Variants in GRK7 observed in about 807,000 individuals in gnomAD.
The protein encoded by GRK7 is G protein-coupled receptor kinase 7.
A neutral mutation model predicts 34.1 loss-of-function variants in GRK7; 24 were observed. The observed-to-expected ratio is 0.70, with a 90% CI of 0.51 to 0.99. GRK7 has a LOEUF of 0.99. Among genes scored for constraint, GRK7 ranks in the 50% least tolerant of loss-of-function variants. The pLI, the probability that GRK7 is intolerant of heterozygous loss-of-function variation, is 0.00. For synonymous variants in GRK7, 256 were observed against 279.4 expected, an observed-to-expected ratio of 0.92 and a Z score of 0.84; for missense variants, 644 against 707.3, an observed-to-expected ratio of 0.91 and a Z score of 1.02.
intron 5 of GRK7, among the ~76,000 whole-genome samples, chr3:141,813,415 T>C (rs150385132): frequency 0.032 from 4,935 of 152,248 alleles, 267 homozygotes; most frequent in African/African-American, 0.11. Context: ...GTGTGAGCCA[T>C]GGTGCCCGGC....
intron 1 of GRK7, among the ~76,000 whole-genome samples, chr3:141,770,925 A>G (rs914885474): frequency 1.1e-4 from 17 of 150,998 alleles, no homozygotes; most frequent in African/African-American, 4.2e-4. Context: ...AAAGGGGTCA[A>G]GGCTGGCTGC....
chr3:141,797,829 A>C (rs1041011856), intron 4 of GRK7, among the ~76,000 whole-genome samples: 2 of 152,132 alleles, frequency 1.3e-5, no homozygotes, highest in Non-Finnish European at 2.9e-5. Context: ...GAGGTTGCCA[A>C]GTTTTCAGAT....
At chr3:141,772,069 T>A (rs2084619541) in intron 1 of GRK7, among the ~76,000 whole-genome samples, 1 of 152,050 alleles carries the variant, frequency 6.6e-6, no homozygotes, top group South Asian at 2.1e-4. Flanking sequence ...CTGGGTTCTT[T>A]GGGTATTTTG....
chr3:141,769,126 T>C (rs1342921770), intron 1 of GRK7, among the ~76,000 whole-genome samples: 3 of 152,060 alleles, frequency 2.0e-5, no homozygotes, highest in African/African-American at 7.2e-5. Flanking sequence ...ACTGCCCACC[T>C]AACATCACCA....
At chr3:141,807,977 G>A in intron 5 of GRK7, 58 bp downstream of exon 5, 1 of 1,443,074 alleles carries the variant, frequency 6.9e-7, no homozygotes, top group South Asian at 1.5e-5. Flanking sequence ...CAGGGATTAG[G>A]AGAATACTTT....
chr3:141,785,930 C>A (rs1251836888), intron 4 of GRK7, among the ~76,000 whole-genome samples: 1 of 111,330 alleles, frequency 9.0e-6, no homozygotes, highest in African/African-American at 4.1e-5. Context: ...CAGAACAATA[C>A]CCTGTCTCAA....
At chr3:141,750,941 G>A in the GRK7 span, among the ~76,000 whole-genome samples, 1 of 152,124 alleles carries the variant, frequency 6.6e-6, no homozygotes, top group South Asian at 2.1e-4. Flanking sequence ...GGAGGCTGAG[G>A]CAGGAGGATT....
At chr3:141,777,851 A>G (rs2084647664) in intron 2 of GRK7, among the ~76,000 whole-genome samples, 1 of 152,154 alleles carries the variant, frequency 6.6e-6, no homozygotes, top group African/African-American at 2.4e-5. Flanking sequence ...AGGAGTTTAC[A>G]TAGCTTGAGG....
chr3:141,809,198 T>C (rs909227369), intron 5 of GRK7, among the ~76,000 whole-genome samples: 2 of 152,024 alleles, frequency 1.3e-5, no homozygotes, highest in Non-Finnish European at 2.9e-5. Flanking sequence ...CAAGACTTCG[T>C]CTCAAAATAA....
At chr3:141,813,086 C>T (rs955145673) in intron 5 of GRK7, among the ~76,000 whole-genome samples, 3 of 152,046 alleles carry the variant, frequency 2.0e-5, no homozygotes, top group African/African-American at 7.2e-5. Context: ...GTAAATTATA[C>T]CTCAATAATC....
At chr3:141,758,767 T>C (rs2084541631), upstream of GRK7, among the ~76,000 whole-genome samples, 1 of 148,704 alleles carries the variant, frequency 6.7e-6, no homozygotes, top group African/African-American at 2.5e-5. Flanking sequence ...TTTCACGATA[T>C]TGATTCTTCC....
chr3:141,751,767 A>G, the GRK7 span, among the ~76,000 whole-genome samples: 6 of 152,252 alleles, frequency 3.9e-5, no homozygotes, highest in Non-Finnish European at 7.3e-5. Flanking sequence ...ATTCAGTCCC[A>G]TGGTTATACT....
In GRK7 at chr3:141,807,789, A is replaced by T; in HGVS notation, c.1195A>T (p.Ser399Cys). ...TPFKDYKEKV[S>C]KEDLKQRTLQ... ...ATTCAAAGATTACAAGGAAAAGGTCAGTAAAGAGGATCTGAAGCAAAGAAC... is the reference window on the plus strand; with the variant it reads ...ATTCAAAGATTACAAGGAAAAGGTCTGTAAAGAGGATCTGAAGCAAAGAAC... Residue 399 changes from serine to cysteine, a missense_variant, in exon 5 of 6, where the codon AGT (serine) becomes TGT (cysteine). Ser to Cys is a moderately radical substitution (Grantham distance 112). Transcript: ENST00000682958. 1 of 1,614,260 alleles carries T rather than the reference A, an allele frequency of 6.2e-7. No homozygotes were observed. Among genetic ancestry groups the T allele is most frequent in the African/African-American group, 1.3e-5 (1 of 75,076 alleles).
intron 4 of GRK7, among the ~76,000 whole-genome samples, chr3:141,799,084 G>C (rs1394627983): frequency 6.6e-6 from 1 of 152,214 alleles, no homozygotes; most frequent in East Asian, 1.9e-4. Flanking sequence ...ACCCTCTGCT[G>C]TGTGGAGCAG....
In GRK7 at chr3:141,778,207, C is replaced by A. The variant is rs2084649732; in HGVS notation, c.-78C>A. ...TCACTGTAAATCCCTTGGACGTTGT[C>A]TCACCCGGGAAGGGAAAGCAGCCAG... On this transcript the variant is annotated 5_prime_UTR_variant, in exon 3 of 6. Transcript: ENST00000682958. The surrounding 1 kb of genome is among the most constrained non-coding windows in gnomAD (Gnocchi z 4.1). 1.3e-6 allele frequency: 2 copies of A among 1,499,404 alleles called. No homozygotes were observed. Among genetic ancestry groups the A allele is most frequent in the African/African-American group, 1.4e-5 (1 of 71,292 alleles). 92.9% of individuals were successfully genotyped at this position (1,499,404 alleles called of 1,614,324 possible).
intron 4 of GRK7, among the ~76,000 whole-genome samples, chr3:141,797,450 G>C (rs1307638253): frequency 6.6e-6 from 1 of 152,202 alleles, no homozygotes; most frequent in South Asian, 2.1e-4. Context: ...AGCTGGGAAC[G>C]AGAACAAAGC....
chr3:141,772,335 C>T (rs1037386809), intron 1 of GRK7, among the ~76,000 whole-genome samples: 4 of 152,156 alleles, frequency 2.6e-5, no homozygotes, highest in Admixed American at 2.0e-4. Context: ...CCTCATGATC[C>T]GCCCACCTTA....
chr3:141,792,439 A>C (rs1198070055), intron 4 of GRK7, among the ~76,000 whole-genome samples: 1 of 152,048 alleles, frequency 6.6e-6, no homozygotes, highest in Non-Finnish European at 1.5e-5. Flanking sequence ...ATAATCATTC[A>C]AATAAGTATT....
the GRK7 span, among the ~76,000 whole-genome samples, chr3:141,754,370 AT>A: frequency 7.0e-5 from 10 of 142,368 alleles, no homozygotes; most frequent in African/African-American, 1.8e-4. Context: ...GGGAAAAAGG[AT>A]TTTTTTTTTC....
Sources: allele counts gnomAD v4.1 joint callset (sites outside exome capture counted in the v4.1 genomes callset), GRCh38; gene constraint gnomAD v4.1.1; non-coding constraint Gnocchi (gnomAD v3.1); transcripts MANE v1.5; gene names NCBI Gene and HGNC (gene_info 2026-07-23, HGNC 2026-07-21).